The following HMCN1 variants were observed in gnomAD, a reference collection of about 807,000 sequenced individuals.
HMCN1 encodes the protein hemicentin-1.
Under a neutral mutation model 625.9 loss-of-function variants are expected in HMCN1, and 321 were observed. That is an observed-to-expected ratio of 0.51 (90% CI 0.47 to 0.56). The LOEUF (loss-of-function observed/expected upper bound fraction) is 0.56, where lower values mean the gene tolerates loss of function less well. Among genes scored for constraint, HMCN1 ranks in the 20% least tolerant of loss-of-function variants. The pLI is 0.00. For synonymous variants in HMCN1, 2,425 were observed against 2,417.6 expected (o/e 1.00, Z -0.09); for missense variants, 6,588 against 6,887.3 (o/e 0.96, Z 1.54).
intron 2 of HMCN1, among the ~76,000 whole-genome samples, chr1:185,854,502 G>A (rs1025208431): frequency 6.6e-6 from 1 of 151,534 alleles, no homozygotes; most frequent in Non-Finnish European, 1.5e-5. Context: ...TGTCTGGGGA[G>A]CTTCTTTTAA....
intron 12 of HMCN1, among the ~76,000 whole-genome samples, 181 bp from the exon 13 acceptor site, chr1:185,963,586 AT>A (rs1650184638): frequency 6.6e-6 from 1 of 152,058 alleles, no homozygotes; most frequent in African/African-American, 2.4e-5. Flanking sequence ...TATTGGATAC[AT>A]GATATTATTA....
In HMCN1 at chr1:186,053,970, C is replaced by T. The variant is rs2102282010; in HGVS notation, c.6846C>T (p.Tyr2282=). The T allele has an allele frequency of 6.2e-7, 1 of 1,612,464 alleles. No individual in the cohort carries two copies. Among genetic ancestry groups the T allele is most frequent in the South Asian group, 1.1e-5 (1 of 91,068 alleles). ...SNVAGTAKKE[Y]NLQVYIRPTI... is the part of the protein sequence containing the mutation. ...TTGCTGGGACTGCAAAGAAAGAATACAATCTGCAAGTTTACAGTAAGTTGT... is the reference window on the plus strand; with the variant it reads ...TTGCTGGGACTGCAAAGAAAGAATATAATCTGCAAGTTTACAGTAAGTTGT... The change falls in exon 44 of 107, where the codon TAC becomes TAT. Residue 2282 remains tyrosine (Y), a synonymous_variant. Coordinates refer to ENST00000271588, the MANE Select transcript of HMCN1 (RefSeq NM_031935.3).
At chr1:186,080,405 C>G (rs1280314537) in intron 55 of HMCN1, among the ~76,000 whole-genome samples, 1 of 152,102 alleles carries the variant, frequency 6.6e-6, no homozygotes, top group Non-Finnish European at 1.5e-5. Context: ...CTACATTTAC[C>G]AAAGCAGTCA....
chr1:185,862,459 A>G (rs1396291229), intron 2 of HMCN1, among the ~76,000 whole-genome samples: 1 of 152,150 alleles, frequency 6.6e-6, no homozygotes, highest in East Asian at 1.9e-4. Flanking sequence ...AGGTTTTGAA[A>G]CCAAATATCT....
intron 86 of HMCN1, among the ~76,000 whole-genome samples, chr1:186,134,989 T>C (rs1299777478): frequency 6.6e-6 from 1 of 152,182 alleles, no homozygotes; most frequent in Non-Finnish European, 1.5e-5. Flanking sequence ...TTCATTGTCT[T>C]GAAAAAGAAA....
Position 186,176,043 on chromosome 1 carries a change from C to T in HMCN1, c.15943+1401C>T, listed in dbSNP as rs544403882. Among the ~76,000 whole-genome samples, 3 of 152,238 alleles carry T rather than the reference C, an allele frequency of 2.0e-5. No individual in the cohort carries two copies. In the East Asian group the frequency reaches 5.8e-4, roughly 29 times the overall value. ...TCTACCTTCCTGTATTGTTTTCTTT[C>T]ATGCCACTGTGGTAATGAATTAAAG... On this transcript the variant is annotated intron_variant, in intron 103 of 106. Transcript: ENST00000271588.
chr1:186,128,155 G>C lies in HMCN1; in HGVS notation c.12768G>C (p.Val4256=), dbSNP rs1003812117. The change falls in exon 83 of 107, where the codon GTG becomes GTC. Residue 4256 remains valine, a synonymous_variant. Coordinates refer to ENST00000271588, the MANE Select transcript of HMCN1 (RefSeq NM_031935.3). Reference sequence around the variant, plus strand: ...ATACACACACTGTCAGCCTGACTGTGCATGTTCTCCCCACTTTTACTGAAC... The same window carrying C: ...ATACACACACTGTCAGCCTGACTGTCCATGTTCTCCCCACTTTTACTGAAC... ...GEDTHTVSLT[V]HVLPTFTELP... 1.9e-6 allele frequency: 3 copies of C among 1,613,540 alleles called. No individual in the cohort carries two copies. In the African/African-American group the frequency reaches 4.0e-5, roughly 22 times the overall value.
At chr1:186,181,264 C>A (rs1290501628) in intron 104 of HMCN1, among the ~76,000 whole-genome samples, 7 of 152,080 alleles carry the variant, frequency 4.6e-5, no homozygotes, top group Non-Finnish European at 8.8e-5. Flanking sequence ...AGACTATGAG[C>A]AAATTTTAAT....
intron 11 of HMCN1, among the ~76,000 whole-genome samples, chr1:185,952,439 G>C (rs1649265489): frequency 6.6e-6 from 1 of 151,586 alleles, no homozygotes; most frequent in Admixed American, 6.6e-5. Context: ...GGTACTGAGG[G>C]GACAGGTGGG....
intron 68 of HMCN1, among the ~76,000 whole-genome samples, chr1:186,101,716 T>A (rs1461867510): frequency 6.6e-6 from 1 of 152,054 alleles, no homozygotes; most frequent in Non-Finnish European, 1.5e-5. Context: ...ATCCAGTGAT[T>A]ATAAACTTTG....
intron 49 of HMCN1, among the ~76,000 whole-genome samples, chr1:186,067,434 C>G (rs1204917138): frequency 1.3e-5 from 2 of 152,122 alleles, no homozygotes; most frequent in Non-Finnish European, 2.9e-5. Flanking sequence ...CTGCTTTCAC[C>G]TGCTAACTAC....
chr1:185,964,758 G>A (rs945212052), intron 13 of HMCN1, among the ~76,000 whole-genome samples: 9 of 152,080 alleles, frequency 5.9e-5, no homozygotes, highest in African/African-American at 1.9e-4. Context: ...ATTTCTCAAA[G>A]GAGACAGGAT....
At chr1:186,155,063 G>C (rs1332949418) in intron 97 of HMCN1, among the ~76,000 whole-genome samples, 1 of 152,150 alleles carries the variant, frequency 6.6e-6, no homozygotes, top group South Asian at 2.1e-4. Flanking sequence ...TTTGCTGTGT[G>C]CCAGCTTTCC....
chr1:186,122,657 G>A (rs1661450966), intron 80 of HMCN1, among the ~76,000 whole-genome samples: 2 of 152,130 alleles, frequency 1.3e-5, no homozygotes, highest in Admixed American at 6.5e-5. Flanking sequence ...AAATATTTTT[G>A]TTGATACAGC....
chr1:185,778,884 T>C (rs1276548058), intron 1 of HMCN1, among the ~76,000 whole-genome samples: 1 of 152,196 alleles, frequency 6.6e-6, no homozygotes, highest in East Asian at 1.9e-4. Context: ...CTGGGTCAAA[T>C]GGTATTTCTA....
chr1:186,184,445 G>A (rs1653150786), intron 105 of HMCN1, among the ~76,000 whole-genome samples: 1 of 152,144 alleles, frequency 6.6e-6, no homozygotes, highest in African/African-American at 2.4e-5. Context: ...CTAGTCAAAA[G>A]TGAAAGTCAC....
intron 4 of HMCN1, among the ~76,000 whole-genome samples, chr1:185,885,256 C>A (rs1664567442): frequency 6.6e-6 from 1 of 151,700 alleles, no homozygotes; most frequent in African/African-American, 2.4e-5. Context: ...AGATACTGTA[C>A]AGGAAAAATA....
chr1:186,026,478 G>T (rs116105889), intron 36 of HMCN1, among the ~76,000 whole-genome samples: 1 of 152,216 alleles, frequency 6.6e-6, no homozygotes, highest in African/African-American at 2.4e-5. Flanking sequence ...TAATACTGTT[G>T]CTCTTCGAAT....
At chr1:186,044,095 G>A (rs1278408072) in intron 40 of HMCN1, among the ~76,000 whole-genome samples, 2 of 152,000 alleles carry the variant, frequency 1.3e-5, no homozygotes, top group Non-Finnish European at 2.9e-5. Flanking sequence ...AAAGAAAAAG[G>A]AAAGAAAGTG....
Sources: gnomAD v4.1 joint callset for allele counts (sites outside exome capture counted in the v4.1 genomes callset) on GRCh38, gnomAD v4.1.1 for gene constraint, MANE v1.5 for transcripts, NCBI Gene and HGNC (gene_info 2026-07-23, HGNC 2026-07-21) for gene names.